TRPM3: variants seen among roughly 807,000 people sequenced by gnomAD.
TRPM3 encodes the protein long transient receptor potential channel 3.
Under a neutral mutation model 181.2 loss-of-function variants are expected in TRPM3, and 77 were observed. The observed-to-expected ratio is 0.42, with a 90% CI of 0.35 to 0.51. The LOEUF (loss-of-function observed/expected upper bound fraction) is 0.51, where lower values mean the gene tolerates loss of function less well. Among genes scored for constraint, TRPM3 ranks in the 20% least tolerant of loss-of-function variants. The probability of loss-of-function intolerance (pLI) is 0.01; values close to 1 mark genes in which losing one functional copy is unlikely to be tolerated. For synonymous variants in TRPM3, 745 were observed against 796.4 expected (o/e 0.94, Z 1.09); for missense variants, 1,759 against 2,196.7 (o/e 0.80, Z 3.98).
chr9:70,899,839 T>C (rs1447857135), intron 1 of TRPM3, among the ~76,000 whole-genome samples: 3 of 152,228 alleles, frequency 2.0e-5, no homozygotes, highest in African/African-American at 7.2e-5. Context: ...ATAGAGAAGA[T>C]ACTTGATATT....
intron 1 of TRPM3, among the ~76,000 whole-genome samples, chr9:71,085,976 G>C (rs2065189790): frequency 6.6e-6 from 1 of 151,994 alleles, no homozygotes; most frequent in Admixed American, 6.6e-5. Flanking sequence ...ACTGGATAAA[G>C]TAAATGTGGT....
intron 16 of TRPM3, among the ~76,000 whole-genome samples, chr9:70,619,696 C>A (rs977069304): frequency 1.3e-5 from 2 of 151,932 alleles, no homozygotes; most frequent in Non-Finnish European, 2.9e-5. Context: ...ATTACAGGCA[C>A]GAGTCACTGC....
At chr9:71,175,272 C>T (rs191373470) in intron 1 of TRPM3, among the ~76,000 whole-genome samples, 3 of 152,230 alleles carry the variant, frequency 2.0e-5, no homozygotes, top group African/African-American at 7.2e-5. Flanking sequence ...AATGGACAGA[C>T]TGAATTTGTG....
chr9:70,958,467 G>T (rs998020676), intron 1 of TRPM3, among the ~76,000 whole-genome samples: 5 of 151,982 alleles, frequency 3.3e-5, no homozygotes, highest in Non-Finnish European at 4.4e-5. Context: ...TTTAATGATT[G>T]CCATTCTAAC....
rs968777222 is a variant in TRPM3, at chr9:71,149,193, AGTTCAACACCAGC to A, written c.184-284695_184-284683del. Among the ~76,000 whole-genome samples the A allele has an allele frequency of 1.2e-4, 19 of 152,280 alleles. 1 individual carries two copies. Among genetic ancestry groups the A allele is most frequent in the Admixed American group, 1.2e-3 (19 of 15,294 alleles). On this transcript the variant is annotated intron_variant, in intron 1 of 24. Coordinates refer to the TRPM3 transcript ENST00000357533. ...GGTGGGAAGATCACCGTAGCCCAGG[AGTTCAACACCAGC>A]CTAAGCAACATAGGGAGATCCAGTC... is the stretch of plus-strand genomic sequence containing the variant.
chr9:70,544,821 A>G (rs1230720499), intron 25 of TRPM3, among the ~76,000 whole-genome samples: 1 of 152,038 alleles, frequency 6.6e-6, no homozygotes, highest in Non-Finnish European at 1.5e-5. Flanking sequence ...ACATTTCACA[A>G]GAAGAAGTTT....
chr9:71,234,574 T>C (rs1429224269), intron 1 of TRPM3, among the ~76,000 whole-genome samples: 1 of 152,214 alleles, frequency 6.6e-6, no homozygotes, highest in Non-Finnish European at 1.5e-5. Flanking sequence ...CCTTGACTTG[T>C]AAATGGTCTT....
chr9:71,124,208 A>G (rs1349921486), upstream of TRPM3, among the ~76,000 whole-genome samples: 1 of 152,102 alleles, frequency 6.6e-6, no homozygotes, highest in Non-Finnish European at 1.5e-5. Context: ...CTATCAAAAC[A>G]TCTAAAGAAG....
rs529079992 is a variant in TRPM3, at chr9:70,537,545, G to A, written c.3708-140C>T. On this transcript the variant is annotated intron_variant, in intron 25 of 25. Coordinates refer to ENST00000677713, the MANE Select transcript of TRPM3 (RefSeq NM_001366145.2). Reference sequence around the variant, plus strand: ...CAGGTTACAGGTGTTGAGAGGGGTTGGGGAGGAGAGAATGACATTGATGCT... The same window carrying A: ...CAGGTTACAGGTGTTGAGAGGGGTTAGGGAGGAGAGAATGACATTGATGCT... The A allele has an allele frequency of 6.2e-4, 374 of 599,486 alleles. 1 individual carries two copies. The highest frequency in any genetic ancestry group is 1.7e-3 in the Admixed American group (41 of 24,394). The allele number at this position is 599,486 out of a possible 1,614,324, so 37.1% of individuals were successfully genotyped here.
intron 1 of TRPM3, among the ~76,000 whole-genome samples, chr9:71,312,600 A>G (rs2088072680): frequency 6.6e-6 from 1 of 152,152 alleles, no homozygotes; most frequent in Non-Finnish European, 1.5e-5. Context: ...CACCCTGCAC[A>G]TGGATGTTTG....
intron 1 of TRPM3, among the ~76,000 whole-genome samples, chr9:71,173,289 T>C (rs983795368): frequency 6.6e-6 from 1 of 152,132 alleles, no homozygotes; most frequent in African/African-American, 2.4e-5. Flanking sequence ...CAATATATGA[T>C]TGTAACACCA....
At chr9:71,135,783 A>T (rs1361420162) in intron 1 of TRPM3, among the ~76,000 whole-genome samples, 2 of 151,668 alleles carry the variant, frequency 1.3e-5, no homozygotes, top group African/African-American at 4.9e-5. Context: ...ATCTTCAGGC[A>T]AAAAAAACCC....
intron 1 of TRPM3, among the ~76,000 whole-genome samples, chr9:71,333,791 T>C (rs2090376622): frequency 6.6e-6 from 1 of 151,898 alleles, no homozygotes. Flanking sequence ...TTTGAAACAG[T>C]AGATACCTAA....
intron 1 of TRPM3, among the ~76,000 whole-genome samples, chr9:70,977,384 T>C (rs773050131): frequency 1.3e-5 from 2 of 152,236 alleles, no homozygotes; most frequent in South Asian, 4.1e-4. Context: ...TCCCCCGGCA[T>C]TGGCCTCCCA....
chr9:71,265,706 C>T (rs2083345172), intron 1 of TRPM3, among the ~76,000 whole-genome samples: 1 of 152,178 alleles, frequency 6.6e-6, no homozygotes, highest in Non-Finnish European at 1.5e-5. Context: ...AAGTGTTGAG[C>T]AGCAAGGGAA....
intron 1 of TRPM3, among the ~76,000 whole-genome samples, chr9:71,303,345 A>G (rs1417177063): frequency 6.6e-6 from 1 of 152,244 alleles, no homozygotes; most frequent in Non-Finnish European, 1.5e-5. Context: ...TAGAAAACAA[A>G]GTTAAATATC....
chr9:70,587,454 C>A (rs539149145), intron 22 of TRPM3, among the ~76,000 whole-genome samples: 8 of 152,306 alleles, frequency 5.3e-5, no homozygotes, highest in Non-Finnish European at 1.2e-4. Flanking sequence ...AGAGACACCC[C>A]GTTTTCCCTG....
intron 1 of TRPM3, among the ~76,000 whole-genome samples, chr9:70,932,370 A>C (rs1464259421): frequency 2.0e-5 from 3 of 152,062 alleles, no homozygotes; most frequent in Non-Finnish European, 4.4e-5. Flanking sequence ...TCTATTGAGT[A>C]GTTTTATCTT....
At chr9:71,163,807 A>T (rs1288661094) in intron 1 of TRPM3, among the ~76,000 whole-genome samples, 1 of 152,206 alleles carries the variant, frequency 6.6e-6, no homozygotes, top group Non-Finnish European at 1.5e-5. Context: ...CAGAAAGGCC[A>T]CAGATCCTGG....
Sources: allele counts gnomAD v4.1 joint callset (sites outside exome capture counted in the v4.1 genomes callset), GRCh38; gene constraint gnomAD v4.1.1; transcripts MANE v1.5; gene names NCBI Gene and HGNC (gene_info 2026-07-23, HGNC 2026-07-21).